FOLH1: variants seen among roughly 807,000 people sequenced by gnomAD.
FOLH1 encodes folate hydrolase 1.
In FOLH1, 54 loss-of-function variants were observed where a neutral mutation model predicts 93.9. The ratio of observed to expected loss-of-function variants is 0.57; its 90% CI spans 0.46 to 0.72. The LOEUF is 0.72. FOLH1 is among the 30% of genes least tolerant of loss of function. The pLI is 0.00. For synonymous variants in FOLH1, 249 were observed against 303.6 expected, an observed-to-expected ratio of 0.82 and a Z score of 1.87; for missense variants, 571 against 892.5, an observed-to-expected ratio of 0.64 and a Z score of 4.59.
At chr11:49,161,336 C>G (rs189374298) in intron 13 of FOLH1, among the ~76,000 whole-genome samples, 75 of 152,216 alleles carry the variant, frequency 4.9e-4, no homozygotes, top group Non-Finnish European at 9.3e-4. Context: ...ATATTTAGGA[C>G]AGTAAGCTCT....
At chr11:49,161,375 C>G (rs1293717201) in intron 13 of FOLH1, among the ~76,000 whole-genome samples, 9 of 152,048 alleles carry the variant, frequency 5.9e-5, no homozygotes, top group Admixed American at 5.9e-4. Context: ...TTTACCGTTA[C>G]GTGATGCCCT....
intron 4 of FOLH1, among the ~76,000 whole-genome samples, chr11:49,190,274 T>C (rs1861883009): frequency 6.6e-6 from 1 of 152,162 alleles, no homozygotes; most frequent in African/African-American, 2.4e-5. Context: ...CATATTAGCT[T>C]AAAAATGAGA....
chr11:49,200,556 A>G, intron 2 of FOLH1, 115 bp from the exon 3 acceptor site: 1 of 1,121,116 alleles, frequency 8.9e-7, no homozygotes. Context: ...TACGTTAAAA[A>G]ATTAAAGTGG....
chr11:49,152,163 T>C (rs1219913693), intron 17 of FOLH1, among the ~76,000 whole-genome samples: 1 of 152,090 alleles, frequency 6.6e-6, no homozygotes. Context: ...AATATCAAAT[T>C]TTTTAGTAAT....
intron 14 of FOLH1, among the ~76,000 whole-genome samples, chr11:49,157,341 T>C (rs1240546271): frequency 6.6e-6 from 1 of 152,024 alleles, no homozygotes; most frequent in African/African-American, 2.4e-5. Flanking sequence ...GGTGATGAGG[T>C]GGCAGAAAAA....
chr11:49,171,196 T>A lies in FOLH1; in HGVS notation c.1307A>T (p.Glu436Val), dbSNP rs1470979921. The A allele has an allele frequency of 6.3e-7, 1 of 1,575,386 alleles. No individual in the cohort carries two copies. Among genetic ancestry groups the A allele is most frequent in the Non-Finnish European group, 8.6e-7 (1 of 1,164,796 alleles). ...TATTATAGCAAATTACCAACTAACC[T>A]CTGCCCACTCAGTAGAACCAAGAAG... ...FGLLGSTEWA[E>V]ENSRLLQERG... Residue 436 changes from glutamate to valine, a missense_variant and splice_region_variant, in exon 11 of 19, where the codon GAG becomes GTG. This residue lies in a region of FOLH1 where 500 missense variants were observed against 822.9 expected (regional missense o/e 0.61). Transcript: ENST00000256999.
intron 13 of FOLH1, among the ~76,000 whole-genome samples, chr11:49,159,710 G>C (rs1285809622): frequency 6.6e-6 from 1 of 152,078 alleles, no homozygotes; most frequent in Non-Finnish European, 1.5e-5. Flanking sequence ...AATAGTACCA[G>C]CCCTTCTTTG....
At chr11:49,149,981 A>T (rs982715289) in intron 17 of FOLH1, among the ~76,000 whole-genome samples, 3 of 152,142 alleles carry the variant, frequency 2.0e-5, no homozygotes, top group Admixed American at 1.3e-4. Flanking sequence ...TAAGAGATGG[A>T]GTCTTGCTCT....
intron 13 of FOLH1, among the ~76,000 whole-genome samples, chr11:49,161,897 G>A (rs1055200097): frequency 7.2e-5 from 11 of 152,262 alleles, no homozygotes; most frequent in African/African-American, 1.4e-4. Flanking sequence ...TAATGTGGTC[G>A]GATATGAAAT....
intron 11 of FOLH1, among the ~76,000 whole-genome samples, chr11:49,170,841 C>T (rs1391221111): frequency 6.6e-6 from 1 of 152,132 alleles, no homozygotes; most frequent in African/African-American, 2.4e-5. Flanking sequence ...TTCATGTTTG[C>T]TAAGACAATA....
intron 4 of FOLH1, among the ~76,000 whole-genome samples, chr11:49,191,791 G>A (rs562613787): frequency 3.3e-5 from 5 of 152,118 alleles, no homozygotes; most frequent in South Asian, 2.1e-4. Flanking sequence ...TCCGCCTCCC[G>A]GGTTCACGCC....
At chr11:49,193,050 G>A (rs541754555) in intron 3 of FOLH1, among the ~76,000 whole-genome samples, 156 bp from the exon 4 acceptor site, 1 of 152,256 alleles carries the variant, frequency 6.6e-6, no homozygotes, top group African/African-American at 2.4e-5. Context: ...CACTATGCTA[G>A]AAGTTGTGAA....
In FOLH1 at chr11:49,145,142, G is replaced by C. The variant is rs766678243; in HGVS notation, c.*1614C>G. ...TATTATTCACCAGTTATCCAAATTTGGGTTATCCACTCCAAACTCCCACTT... is the reference window on the plus strand; with the variant it reads ...TATTATTCACCAGTTATCCAAATTTCGGTTATCCACTCCAAACTCCCACTT... On this transcript the variant is annotated 3_prime_UTR_variant, in exon 19 of 19. Transcript: ENST00000256999. Among the ~76,000 whole-genome samples the C allele has an allele frequency of 6.6e-6, 1 of 152,094 alleles. No individual in the cohort carries two copies. Among genetic ancestry groups the C allele is most frequent in the African/African-American group, 2.4e-5 (1 of 41,412 alleles).
intron 2 of FOLH1, among the ~76,000 whole-genome samples, chr11:49,204,536 ATACC>A (rs1863645231): frequency 6.6e-6 from 1 of 152,140 alleles, no homozygotes. Flanking sequence ...CACTTTTATT[ATACC>A]TACTATACAT....
intron 15 of FOLH1, among the ~76,000 whole-genome samples, chr11:49,154,696 T>A (rs1448661646): frequency 1.3e-5 from 2 of 151,948 alleles, no homozygotes; most frequent in Non-Finnish European, 2.9e-5. Flanking sequence ...TATGTGTATA[T>A]GATATAACAA....
chr11:49,207,145 G>A (rs1394439541), intron 1 of FOLH1, among the ~76,000 whole-genome samples: 3 of 152,032 alleles, frequency 2.0e-5, no homozygotes, highest in African/African-American at 7.2e-5. Context: ...CCACACTGAG[G>A]ACGAGATGCT....
chr11:49,175,875 C>T lies in FOLH1; in HGVS notation c.1003G>A (p.Gly335Arg). Residue 335 changes from glycine (G) to arginine (R), a missense_variant, in exon 8 of 19, where the codon GGA becomes AGA. Physicochemically the swap from Gly to Arg is moderately radical, Grantham distance 125 (BLOSUM62 -2). This residue lies in a region of FOLH1 where 500 missense variants were observed against 822.9 expected (regional missense o/e 0.61). Transcript: ENST00000256999. Reference sequence around the variant, plus strand: ...TCTCTTAACTGTGTAGAAAAGTTTCCAGTAAAGCCAGGTCCAACATTGTAG... The same window carrying T: ...TCTCTTAACTGTGTAGAAAAGTTTCTAGTAAAGCCAGGTCCAACATTGTAG... ...VPYNVGPGFT[G>R]NFSTQKVKMH... The T allele has an allele frequency of 6.2e-7, 1 of 1,613,452 alleles. No individual in the cohort carries two copies. The highest frequency in any genetic ancestry group is 8.5e-7 in the Non-Finnish European group (1 of 1,179,682).
rs1477490998 is a variant in FOLH1 at position 49,208,387 on chromosome 11, G to T, written c.23C>A (p.Thr8Asn). Reference protein sequence around the residue: MWNLLHETDSAVATARRP... With the variant: MWNLLHENDSAVATARRP... ...GCGCGCGGTGGCCACAGCCGAGTCGGTTTCGTGAAGGAGATTCCACATCTC... is the reference window on the plus strand; with the variant it reads ...GCGCGCGGTGGCCACAGCCGAGTCGTTTTCGTGAAGGAGATTCCACATCTC... The change falls in exon 1 of 19, where the codon ACC becomes AAC. Residue 8 changes from threonine (T) to asparagine (N), a missense_variant. Coordinates refer to ENST00000256999, the MANE Select transcript of FOLH1 (RefSeq NM_004476.3). 1 of 1,603,070 alleles carries T rather than the reference G, an allele frequency of 6.2e-7. No individual in the cohort carries two copies. Among genetic ancestry groups the T allele is most frequent in the Non-Finnish European group, 8.5e-7 (1 of 1,173,668 alleles).
intron 10 of FOLH1, 61 bp downstream of exon 10, chr11:49,173,296 A>G: frequency 6.5e-7 from 1 of 1,540,088 alleles, no homozygotes; most frequent in Non-Finnish European, 8.8e-7. Flanking sequence ...TACTCCCTTT[A>G]CAGAAGACTA....
Sources: allele counts gnomAD v4.1 joint callset (sites outside exome capture counted in the v4.1 genomes callset), GRCh38; gene constraint gnomAD v4.1.1; regional missense constraint gnomAD v4.1.1; transcripts MANE v1.5; gene names NCBI Gene and HGNC (gene_info 2026-07-23, HGNC 2026-07-21).